LRMDA: variants seen among roughly 807,000 people sequenced by gnomAD.
LRMDA encodes leucine-rich melanocyte differentiation-associated protein.
In LRMDA, 18 loss-of-function variants were observed where a neutral mutation model predicts 29.8. That is an observed-to-expected ratio of 0.60 (90% CI 0.42 to 0.90). The LOEUF (loss-of-function observed/expected upper bound fraction) is 0.90, where lower values mean the gene tolerates loss of function less well. Among genes scored for constraint, LRMDA ranks in the 40% least tolerant of loss-of-function variants. The pLI is 0.00. For missense variants in LRMDA, 273 were observed against 273.9 expected (o/e 1.00, Z 0.02); for synonymous variants, 125 against 109.4 (o/e 1.14, Z -0.89).
chr10:76,012,079 T>C (rs564821889), intron 2 of LRMDA, among the ~76,000 whole-genome samples: 88 of 152,268 alleles, frequency 5.8e-4, no homozygotes, highest in African/African-American at 1.7e-3. Flanking sequence ...GGTTGCCAGG[T>C]TGTCAGAATG....
chr10:75,472,582 G>C (rs1174664761), intron 2 of LRMDA, among the ~76,000 whole-genome samples: 1 of 152,216 alleles, frequency 6.6e-6, no homozygotes, highest in Middle Eastern at 3.2e-3. Context: ...CATAGTAGCT[G>C]CTCATTCAAT....
intron 5 of LRMDA, among the ~76,000 whole-genome samples, chr10:76,167,539 A>G (rs1222839007): frequency 6.6e-6 from 1 of 152,054 alleles, no homozygotes; most frequent in African/African-American, 2.4e-5. Flanking sequence ...GTTTTGTCCA[A>G]TTTGTCAAAG....
chr10:75,883,409 T>A (rs573730874), intron 2 of LRMDA: 1 of 152,340 alleles, frequency 6.6e-6, no homozygotes, highest in East Asian at 1.9e-4. Flanking sequence ...AATCAGCCTA[T>A]GCTCAACAGC....
At chr10:75,628,031 T>C (rs972754213) in intron 2 of LRMDA, among the ~76,000 whole-genome samples, 1 of 152,228 alleles carries the variant, frequency 6.6e-6, no homozygotes, top group African/African-American at 2.4e-5. Context: ...CCCTCAGTAA[T>C]ATTCTTCAGT....
intron 2 of LRMDA, among the ~76,000 whole-genome samples, chr10:75,457,548 T>C (rs1290134980): frequency 1.3e-5 from 2 of 152,196 alleles, no homozygotes; most frequent in Non-Finnish European, 2.9e-5. Context: ...CCCAAACTTA[T>C]ATTTCACCTT....
chr10:76,508,096 A>T (rs1005655255), intron 6 of LRMDA, among the ~76,000 whole-genome samples: 1 of 152,184 alleles, frequency 6.6e-6, no homozygotes, highest in Admixed American at 6.5e-5. Context: ...CCAGAATAGC[A>T]TACTGCATCC....
At chr10:75,772,859 G>T (rs1166806545) in intron 2 of LRMDA, among the ~76,000 whole-genome samples, 2 of 115,442 alleles carry the variant, frequency 1.7e-5, no homozygotes, top group East Asian at 3.5e-4. Flanking sequence ...ATTTTTTGGG[G>T]GGGGTGGGAT....
At chr10:76,525,514 G>A (rs1011847392) in intron 6 of LRMDA, among the ~76,000 whole-genome samples, 1 of 152,110 alleles carries the variant, frequency 6.6e-6, no homozygotes, top group African/African-American at 2.4e-5. Context: ...TCCACAGTAG[G>A]GGGTAGGAGG....
chr10:75,635,639 G>A lies in LRMDA; in HGVS notation c.131+197145G>A, dbSNP rs116088599. Among the ~76,000 whole-genome samples the A allele has an allele frequency of 1.0e-2, 1,518 of 152,126 alleles. 28 individuals carry two copies. Among genetic ancestry groups the A allele is most frequent in the African/African-American group, 0.034 (1,405 of 41,492 alleles). On this transcript the variant is annotated intron_variant, in intron 2 of 6. Coordinates refer to ENST00000611255, the MANE Select transcript of LRMDA (RefSeq NM_001305581.2). ...TTCTGGTTCTACAGTTACAGGGATT[G>A]ATGAAAAAAGATGCATTTGATTTGA...
At chr10:76,434,431 G>A (rs2132285995) in intron 6 of LRMDA, among the ~76,000 whole-genome samples, 1 of 151,280 alleles carries the variant, frequency 6.6e-6, no homozygotes, top group Non-Finnish European at 1.5e-5. Context: ...GCTAAAAAAT[G>A]CTGAAACATG....
At chr10:76,349,470 A>G (rs903596165) in intron 6 of LRMDA, among the ~76,000 whole-genome samples, 2 of 152,090 alleles carry the variant, frequency 1.3e-5, no homozygotes, top group African/African-American at 2.4e-5. Flanking sequence ...ACATACATAT[A>G]TATATTATAT....
At chr10:75,435,304 C>T (rs1844251944) in intron 1 of LRMDA, among the ~76,000 whole-genome samples, 1 of 152,188 alleles carries the variant, frequency 6.6e-6, no homozygotes, top group Non-Finnish European at 1.5e-5. Context: ...TTGAATCTTA[C>T]ATTAGGTGGT....
intron 6 of LRMDA, among the ~76,000 whole-genome samples, chr10:76,517,683 G>A (rs943404848): frequency 1.3e-5 from 2 of 151,944 alleles, no homozygotes; most frequent in Non-Finnish European, 2.9e-5. Context: ...AAACATATAA[G>A]TAAATCTAAA....
rs192351305 is a variant in LRMDA, at chr10:75,855,703, A to G, written c.132-180305A>G. On this transcript the variant is annotated intron_variant, in intron 2 of 6. Transcript: ENST00000611255. ...TAGGGTTTTTATGGTTTTAAGTCTAACATTTAAGTCTTTAATCCATCTTGA... is the reference window on the plus strand; with the variant it reads ...TAGGGTTTTTATGGTTTTAAGTCTAGCATTTAAGTCTTTAATCCATCTTGA... Among the ~76,000 whole-genome samples the G allele has an allele frequency of 4.3e-4, 66 of 152,326 alleles. 1 individual carries two copies. In the East Asian group the frequency reaches 0.013, roughly 29 times the overall value.
At chr10:75,718,111 C>G (rs752281707) in intron 2 of LRMDA, among the ~76,000 whole-genome samples, 1 of 152,162 alleles carries the variant, frequency 6.6e-6, no homozygotes, top group Non-Finnish European at 1.5e-5. Flanking sequence ...ACCCTTCAAT[C>G]TTATTTGCAC....
At chr10:75,438,264 G>A in intron 1 of LRMDA, 130 bp from the exon 2 acceptor site, 2 of 737,298 alleles carry the variant, frequency 2.7e-6, no homozygotes, top group Non-Finnish European at 4.7e-6. Context: ...AGTCACAAGT[G>A]TGGCCTTTTT....
intron 2 of LRMDA, among the ~76,000 whole-genome samples, chr10:75,529,498 C>T (rs932169877): frequency 4.6e-5 from 7 of 152,124 alleles, no homozygotes; most frequent in African/African-American, 1.7e-4. Context: ...AGGAGATGTT[C>T]TCATTAGAGG....
At chr10:75,719,434 T>A (rs780413360) in intron 2 of LRMDA, among the ~76,000 whole-genome samples, 1 of 152,276 alleles carries the variant, frequency 6.6e-6, no homozygotes, top group South Asian at 2.1e-4. Flanking sequence ...CAATTTACCA[T>A]GTTTAAATTA....
intron 5 of LRMDA, among the ~76,000 whole-genome samples, chr10:76,215,239 G>A (rs1436398635): frequency 6.6e-6 from 1 of 152,156 alleles, no homozygotes; most frequent in Non-Finnish European, 1.5e-5. Context: ...CTTTTAGGTA[G>A]CAGACTGAGC....
Sources: allele counts gnomAD v4.1 joint callset (sites outside exome capture counted in the v4.1 genomes callset), GRCh38; gene constraint gnomAD v4.1.1; transcripts MANE v1.5; gene names NCBI Gene and HGNC (gene_info 2026-07-23, HGNC 2026-07-21).